Variants in ANO3 observed in about 807,000 individuals in gnomAD.
ANO3 encodes the protein anoctamin 3.
Under a neutral mutation model 144.8 loss-of-function variants are expected in ANO3, and 99 were observed. The observed-to-expected ratio is 0.68, with a 90% CI of 0.58 to 0.81. The LOEUF (loss-of-function observed/expected upper bound fraction) is 0.81. Ranked by LOEUF, ANO3 falls within the 30% of genes least tolerant of loss-of-function variation. ANO3 has a pLI of 0.00. For synonymous variants in ANO3, 414 were observed against 392.6 expected, an observed-to-expected ratio of 1.05 and a Z score of -0.64; for missense variants, 905 against 1,202.2, an observed-to-expected ratio of 0.75 and a Z score of 3.66.
chr11:26,344,559 G>A lies in ANO3; in HGVS notation c.46+12238G>A, dbSNP rs367836451. 5.9e-5 allele frequency among the ~76,000 whole-genome samples: 9 copies of A among 152,034 alleles called. No individual in the cohort carries two copies. The East Asian group carries it at 1.7e-3, about 29-fold the overall frequency. On this transcript the variant is annotated intron_variant, in intron 1 of 26. Coordinates refer to ENST00000256737, the MANE Select transcript of ANO3 (RefSeq NM_031418.4). Reference sequence around the variant, plus strand: ...TTTTTGTGTTTTTAGTAGAGACGGGGTTTCATCATGTTAGCCAGGATGGTC... The same window carrying A: ...TTTTTGTGTTTTTAGTAGAGACGGGATTTCATCATGTTAGCCAGGATGGTC...
chr11:26,532,062 C>T (rs1329445478), intron 8 of ANO3, among the ~76,000 whole-genome samples: 3 of 152,114 alleles, frequency 2.0e-5, no homozygotes, highest in African/African-American at 7.2e-5. Flanking sequence ...ATAGGGCCTA[C>T]GTTGCTATAG....
chr11:26,218,156 G>A (rs1178863567), intron 1 of ANO3, among the ~76,000 whole-genome samples: 1 of 152,120 alleles, frequency 6.6e-6, no homozygotes, highest in East Asian at 1.9e-4. Flanking sequence ...TGGAAATACA[G>A]TTTATGAAGT....
At chr11:26,609,619 C>T (rs893502529) in intron 17 of ANO3, among the ~76,000 whole-genome samples, 2 of 152,094 alleles carry the variant, frequency 1.3e-5, no homozygotes, top group Non-Finnish European at 2.9e-5. Context: ...CCCCCCACCA[C>T]ATTTTCTTCA....
At chr11:26,620,028 A>G (rs1365224408) in intron 17 of ANO3, among the ~76,000 whole-genome samples, 1 of 152,178 alleles carries the variant, frequency 6.6e-6, no homozygotes, top group Non-Finnish European at 1.5e-5. Context: ...ACATCCCTTT[A>G]TCAGGCATAT....
At chr11:26,344,068 A>T (rs35757024) in intron 1 of ANO3, among the ~76,000 whole-genome samples, 35,887 of 152,138 alleles carry the variant, frequency 0.24, 4,382 homozygotes, top group South Asian at 0.36. Context: ...TAAATTCAGA[A>T]ATCAAAATTA....
At chr11:26,544,273 T>TACACACACAC (rs1554967702) in intron 11 of ANO3, among the ~76,000 whole-genome samples, 1,771 of 58,640 alleles carry the variant, frequency 0.03, 133 homozygotes, top group Non-Finnish European at 0.05. Flanking sequence ...TATATATATA[T>TACACACACAC]ACACACATAC....
chr11:26,207,736 C>T (rs930696155), intron 1 of ANO3, among the ~76,000 whole-genome samples: 1 of 81,920 alleles, frequency 1.2e-5, no homozygotes, highest in Admixed American at 1.2e-4. Context: ...TACAGTAAAA[C>T]TGACCGTAGT....
chr11:26,363,089 T>C (rs1855971055), intron 1 of ANO3, among the ~76,000 whole-genome samples: 1 of 152,216 alleles, frequency 6.6e-6, no homozygotes, highest in Non-Finnish European at 1.5e-5. Flanking sequence ...ATGTCTTTAT[T>C]ACCATTACAT....
At chr11:26,293,389 AT>A (rs552577048) in intron 1 of ANO3, among the ~76,000 whole-genome samples, 1 of 151,086 alleles carries the variant, frequency 6.6e-6, no homozygotes, top group Non-Finnish European at 1.5e-5. Flanking sequence ...TTTAGTGAGC[AT>A]TTTTTCTCCC....
intron 1 of ANO3, among the ~76,000 whole-genome samples, chr11:26,389,905 C>T (rs941255727): frequency 1.3e-5 from 2 of 152,044 alleles, no homozygotes; most frequent in African/African-American, 4.8e-5. Flanking sequence ...AGGCACTGTA[C>T]ACCTCTACTA....
chr11:26,457,130 A>G (rs1242997655), intron 3 of ANO3, among the ~76,000 whole-genome samples: 1 of 149,674 alleles, frequency 6.7e-6, no homozygotes, highest in Non-Finnish European at 1.5e-5. Flanking sequence ...ATGCTAGATG[A>G]CGAGTTAGTG....
In ANO3 at chr11:26,598,429, C is replaced by T. The variant is rs1220422100; in HGVS notation, c.1512C>T (p.Ile504=). The stretch of plus-strand genomic sequence containing the variant: ...TACTGACCTATACTTGGGACCTTAT[C>T]GAATGGGAAGAAGAGGAGGTAAGAT... ...RSILTYTWDL[I]EWEEEEETLR... The change falls in exon 15 of 27, where the codon ATC becomes ATT. Residue 504 remains isoleucine (I), a synonymous_variant. Transcript: ENST00000256737. 5 of 1,588,488 alleles carry T rather than the reference C, an allele frequency of 3.1e-6. No homozygotes were observed. The highest frequency in any genetic ancestry group is 4.3e-6 in the Non-Finnish European group (5 of 1,168,256).
rs960844099 is a variant in ANO3, at chr11:26,211,775, G to A, written c.154+22445G>A. 5.9e-5 allele frequency among the ~76,000 whole-genome samples: 9 copies of A among 151,902 alleles called. No individual in the cohort carries two copies. The East Asian group carries it at 7.7e-4, about 13-fold the overall frequency. On this transcript the variant is annotated intron_variant, in intron 1 of 27. Transcript: ENST00000672621. Reference sequence around the variant, plus strand: ...ACACTATAACATGTTTGTTTATTGCGGCACTATTCACAATAGCAAAGACTT... The same window carrying A: ...ACACTATAACATGTTTGTTTATTGCAGCACTATTCACAATAGCAAAGACTT...
intron 1 of ANO3, among the ~76,000 whole-genome samples, chr11:26,316,991 C>T (rs772142767): frequency 6.6e-6 from 1 of 152,144 alleles, no homozygotes; most frequent in Non-Finnish European, 1.5e-5. Flanking sequence ...CCCCCTACAC[C>T]TAGTTGGCCA....
At chr11:26,590,989 G>T (rs1384851453) in intron 14 of ANO3, among the ~76,000 whole-genome samples, 1 of 152,068 alleles carries the variant, frequency 6.6e-6, no homozygotes, top group Non-Finnish European at 1.5e-5. Context: ...CCCGAATATT[G>T]TCCCTCCCCC....
rs575695621 is a variant in ANO3 at position 26,301,368 on chromosome 11, G to GA, written c.155-8271dup. ...TGTAGTTTCTTAGCTTATTAAATGA[G>GA]AAAAAATAGACTAGATATGCAGTTA... On this transcript the variant is annotated intron_variant, in intron 1 of 27. Transcript: ENST00000672621. Among the ~76,000 whole-genome samples, 77 of 152,180 alleles carry GA rather than the reference G, an allele frequency of 5.1e-4. 1 individual carries two copies. In the South Asian group the frequency reaches 0.015, roughly 29 times the overall value.
At chr11:26,549,182 TA>T (rs1240285409) in intron 12 of ANO3, among the ~76,000 whole-genome samples, 5 of 152,006 alleles carry the variant, frequency 3.3e-5, no homozygotes, top group Non-Finnish European at 5.9e-5. Flanking sequence ...GCTCTTTTTG[TA>T]TGAGATAATT....
intron 23 of ANO3, among the ~76,000 whole-genome samples, chr11:26,644,582 A>C (rs1853278750): frequency 6.6e-6 from 1 of 152,142 alleles, no homozygotes; most frequent in African/African-American, 2.4e-5. Context: ...TCATAAGTAC[A>C]TTTCTCTATT....
Position 26,660,261 on chromosome 11 carries a change from G to A in ANO3, c.2764-1G>A. On this transcript the variant is annotated splice_acceptor_variant, in intron 26 of 26. Transcript: ENST00000256737. LOFTEE classifies it high-confidence loss of function. ...TGTCCTTTTCACATTTAAATTTGCA[G>A]CACCTTGTTTTTGGGATTAAGTCAT... The A allele has an allele frequency of 1.2e-6, 2 of 1,612,446 alleles. No individual in the cohort carries two copies. The highest frequency in any genetic ancestry group is 2.7e-5 in the African/African-American group (2 of 74,960).
Sources: allele counts gnomAD v4.1 joint callset (sites outside exome capture counted in the v4.1 genomes callset), GRCh38; gene constraint gnomAD v4.1.1; transcripts MANE v1.5; gene names NCBI Gene and HGNC (gene_info 2026-07-23, HGNC 2026-07-21).